Variants in TLK1 observed in about 807,000 individuals in gnomAD.
TLK1 encodes the protein serine/threonine-protein kinase tousled-like 1.
TLK1 carries 24 observed loss-of-function variants against 105.3 expected under a neutral mutation model. The ratio of observed to expected loss-of-function variants is 0.23; its 90% CI spans 0.17 to 0.32. TLK1 has a LOEUF of 0.32. Among genes scored for constraint, TLK1 ranks in the 10% least tolerant of loss-of-function variants. The probability of loss-of-function intolerance (pLI) is 1.00; values close to 1 mark genes in which losing one functional copy is unlikely to be tolerated. For synonymous variants in TLK1, 321 were observed against 310.4 expected (o/e 1.03, Z -0.36); for missense variants, 558 against 910.5 (o/e 0.61, Z 4.98).
intron 1 of TLK1, among the ~76,000 whole-genome samples, chr2:171,213,888 ATT>A (rs1289055686): frequency 1.3e-5 from 2 of 149,508 alleles, no homozygotes; most frequent in Non-Finnish European, 3.0e-5. Context: ...ATGCCCAGCA[ATT>A]TAAAAAAAAT....
chr2:170,995,347 TA>T (rs1684003950), intron 20 of TLK1, among the ~76,000 whole-genome samples: 1 of 151,900 alleles, frequency 6.6e-6, no homozygotes, highest in Admixed American at 6.6e-5. Context: ...ATTAAAATAT[TA>T]AAATTTATAT....
chr2:171,058,216 A>G lies in TLK1; in HGVS notation c.407-19T>C, dbSNP rs747343858. ...CTTTTTCCTAAAATATAAGAAGCGC[A>G]TGATGTTAGTAGGGTAGTGATGGGC... On this transcript the variant is annotated intron_variant, in intron 4 of 20. Coordinates refer to ENST00000431350, the MANE Select transcript of TLK1 (RefSeq NM_012290.5). 13 of 1,612,976 alleles carry G rather than the reference A, an allele frequency of 8.1e-6. No individual in the cohort carries two copies. Among genetic ancestry groups the G allele is most frequent in the South Asian group, 2.2e-5 (2 of 91,048 alleles).
At chr2:171,091,715 TTTG>T (rs71399599) in intron 2 of TLK1, 50,614 of 148,014 alleles carry the variant, frequency 0.34, 9,061 homozygotes, top group East Asian at 0.46. Context: ...GGGGGGTGTC[TTTG>T]TTGTTGTTGT....
intron 1 of TLK1, among the ~76,000 whole-genome samples, chr2:171,158,275 C>G (rs1197731344): frequency 6.6e-6 from 1 of 152,142 alleles, no homozygotes; most frequent in African/African-American, 2.4e-5. Flanking sequence ...TTCACAAAAG[C>G]CTGTCCTATG....
intron 3 of TLK1, among the ~76,000 whole-genome samples, chr2:171,076,896 G>A (rs778059644): frequency 9.9e-5 from 15 of 151,656 alleles, no homozygotes; most frequent in East Asian, 1.9e-4. Flanking sequence ...CCTAGGCAAC[G>A]AGTGAGACTC....
At chr2:171,167,674 G>C (rs926820848) in intron 1 of TLK1, among the ~76,000 whole-genome samples, 3 of 151,982 alleles carry the variant, frequency 2.0e-5, no homozygotes, top group Non-Finnish European at 4.4e-5. Context: ...TTGAAAAAAA[G>C]AAAACCCTTG....
intron 1 of TLK1, among the ~76,000 whole-genome samples, chr2:171,119,915 T>C (rs951131166): frequency 6.6e-6 from 1 of 152,128 alleles, no homozygotes; most frequent in Non-Finnish European, 1.5e-5. Flanking sequence ...AATTTAGCAA[T>C]GGTTTCTTTG....
chr2:171,188,781 G>A (rs1242339444), intron 1 of TLK1, among the ~76,000 whole-genome samples: 2 of 151,274 alleles, frequency 1.3e-5, no homozygotes, highest in Non-Finnish European at 2.9e-5. Flanking sequence ...GGCTGAGGCA[G>A]GAGAATCACT....
intron 3 of TLK1, among the ~76,000 whole-genome samples, chr2:171,062,099 A>G (rs1471576667): frequency 6.6e-6 from 1 of 152,242 alleles, no homozygotes; most frequent in Non-Finnish European, 1.5e-5. Flanking sequence ...TTAGACTAAT[A>G]CAAGTAATTT....
intron 1 of TLK1, among the ~76,000 whole-genome samples, chr2:171,212,066 G>A (rs375480990): frequency 3.3e-5 from 5 of 150,084 alleles, no homozygotes; most frequent in South Asian, 2.1e-4. Flanking sequence ...GGCTGGTCTC[G>A]AACTCCTGAC....
At chr2:171,113,219 C>T (rs1015977532) in intron 2 of TLK1, among the ~76,000 whole-genome samples, 3 of 151,564 alleles carry the variant, frequency 2.0e-5, no homozygotes, top group African/African-American at 7.3e-5. Context: ...ACATCAGAGA[C>T]ATTTCAGAGA....
At chr2:171,113,964 T>C (rs1446018763) in intron 2 of TLK1, among the ~76,000 whole-genome samples, 2 of 152,198 alleles carry the variant, frequency 1.3e-5, no homozygotes, top group East Asian at 3.8e-4. Context: ...TTTTATTCTT[T>C]CTTAGGGATC....
At chr2:171,078,043 A>AG (rs1688591171) in intron 3 of TLK1, among the ~76,000 whole-genome samples, 1 of 152,176 alleles carries the variant, frequency 6.6e-6, no homozygotes, top group Admixed American at 6.5e-5. Flanking sequence ...AAAGACCCCT[A>AG]GGTCTTCTTA....
At chr2:171,098,635 T>G (rs915250070) in intron 2 of TLK1, among the ~76,000 whole-genome samples, 6 of 152,076 alleles carry the variant, frequency 3.9e-5, no homozygotes, top group African/African-American at 1.4e-4. Context: ...GGAAAAACAA[T>G]ATTACCTGAT....
At chr2:171,225,121 AT>A (rs139379609) in intron 1 of TLK1, among the ~76,000 whole-genome samples, 8,327 of 152,204 alleles carry the variant, frequency 0.055, 481 homozygotes, top group East Asian at 0.25. Context: ...ACAGGTAATG[AT>A]AAAAAAAATA....
At chr2:171,125,020 G>A (rs1690811430) in intron 1 of TLK1, among the ~76,000 whole-genome samples, 1 of 152,146 alleles carries the variant, frequency 6.6e-6, no homozygotes, top group African/African-American at 2.4e-5. Context: ...AATCAACTGT[G>A]CTTGCCAAAA....
chr2:171,152,105 A>C (rs1321205041), intron 1 of TLK1, among the ~76,000 whole-genome samples: 2 of 152,194 alleles, frequency 1.3e-5, no homozygotes, highest in African/African-American at 4.8e-5. Flanking sequence ...ACAACTTATC[A>C]TATTAACAGC....
chr2:171,224,782 C>T (rs1158451149), intron 1 of TLK1, among the ~76,000 whole-genome samples: 1 of 152,162 alleles, frequency 6.6e-6, no homozygotes, highest in Admixed American at 6.5e-5. Context: ...GTGGAAGAGT[C>T]ACATTTCTTA....
intron 2 of TLK1, among the ~76,000 whole-genome samples, chr2:171,091,340 C>G (rs191472087): frequency 6.6e-6 from 1 of 152,136 alleles, no homozygotes; most frequent in African/African-American, 2.4e-5. Context: ...CCCATCTAAC[C>G]AGACATAATC....
Sources: allele counts gnomAD v4.1 joint callset (sites outside exome capture counted in the v4.1 genomes callset), GRCh38; gene constraint gnomAD v4.1.1; transcripts MANE v1.5; gene names NCBI Gene and HGNC (gene_info 2026-07-23, HGNC 2026-07-21).